The following CSMD1 variants were observed in gnomAD, a reference collection of about 807,000 sequenced individuals.
CSMD1 encodes CUB and Sushi multiple domains 1.
In CSMD1, 213 loss-of-function variants were observed where a neutral mutation model predicts 417.5. The observed-to-expected ratio is 0.51, with a 90% confidence interval of 0.46 to 0.57. The LOEUF (loss-of-function observed/expected upper bound fraction) is 0.57. Ranked by LOEUF, CSMD1 falls within the 20% of genes least tolerant of loss-of-function variation. The pLI, the probability that CSMD1 is intolerant of heterozygous loss-of-function variation, is 0.00. For synonymous variants in CSMD1, 2,862 were observed against 1,736.8 expected (o/e 1.65, Z -16.11); for missense variants, 6,923 against 4,529.7 (o/e 1.53, Z -15.17).
chr8:3,475,273 A>C (rs776063050), intron 11 of CSMD1, among the ~76,000 whole-genome samples: 2 of 152,044 alleles, frequency 1.3e-5, no homozygotes, highest in Non-Finnish European at 2.9e-5. Flanking sequence ...CCTTCTTTCA[A>C]ATTCTGAGCT....
intron 3 of CSMD1, among the ~76,000 whole-genome samples, chr8:4,414,870 G>A (rs1337959898): frequency 2.0e-5 from 3 of 152,270 alleles, no homozygotes; most frequent in South Asian, 2.1e-4. Flanking sequence ...GTAGGCATAT[G>A]AGGTGCCATC....
intron 5 of CSMD1, among the ~76,000 whole-genome samples, chr8:3,782,882 G>C (rs952197210): frequency 6.6e-6 from 1 of 152,136 alleles, no homozygotes; most frequent in Non-Finnish European, 1.5e-5. Flanking sequence ...TATACCGTGA[G>C]CCATTACCAA....
intron 1 of CSMD1, among the ~76,000 whole-genome samples, chr8:4,649,506 G>C (rs1425056394): frequency 6.6e-6 from 1 of 152,196 alleles, no homozygotes; most frequent in Non-Finnish European, 1.5e-5. Flanking sequence ...ACCCACGTGA[G>C]TAGGACTTCT....
At chr8:4,339,858 T>C (rs575642838) in intron 3 of CSMD1, among the ~76,000 whole-genome samples, 2 of 152,114 alleles carry the variant, frequency 1.3e-5, no homozygotes, top group South Asian at 4.2e-4. Context: ...ACCTCATCTC[T>C]ACAAAAACTT....
In CSMD1 at chr8:3,096,886, T is replaced by A; in HGVS notation, c.7101A>T (p.Gln2367His). The change falls in exon 47 of 70, where the codon CAA becomes CAT. Residue 2367 changes from glutamine (Q) to histidine (H), a missense_variant. Gln to His is a conservative substitution (Grantham distance 24). Coordinates refer to ENST00000635120, the MANE Select transcript of CSMD1 (RefSeq NM_033225.6). ...YNITIFVDTF[Q>H]SEKQFDALEV... ...CCAGTGCATCAAACTGCTTTTCACTTTGAAATGTGTCCACAAAGATGGTAA... is the reference window on the plus strand; with the variant it reads ...CCAGTGCATCAAACTGCTTTTCACTATGAAATGTGTCCACAAAGATGGTAA... 1 of 1,557,292 alleles carries A rather than the reference T, an allele frequency of 6.4e-7. No homozygotes were observed. The highest frequency in any genetic ancestry group is 8.7e-7 in the Non-Finnish European group (1 of 1,149,330).
At chr8:3,910,189 A>T (rs569992029) in intron 5 of CSMD1, among the ~76,000 whole-genome samples, 2 of 152,156 alleles carry the variant, frequency 1.3e-5, no homozygotes, top group Admixed American at 6.5e-5. Context: ...AAGGAATTTT[A>T]TAATGCACGG....
chr8:4,737,157 A>G (rs1193717042), intron 1 of CSMD1, among the ~76,000 whole-genome samples: 1 of 127,922 alleles, frequency 7.8e-6, no homozygotes, highest in Non-Finnish European at 1.5e-5. Context: ...TGCAGCCACA[A>G]AAAAAGAATG....
At chr8:3,629,401 G>A (rs1465336557) in intron 7 of CSMD1, among the ~76,000 whole-genome samples, 2 of 152,034 alleles carry the variant, frequency 1.3e-5, no homozygotes. Flanking sequence ...GTTATTGTTG[G>A]AAATTTTATA....
At chr8:3,940,428 G>C (rs1207881776) in intron 5 of CSMD1, among the ~76,000 whole-genome samples, 1 of 151,400 alleles carries the variant, frequency 6.6e-6, no homozygotes. Context: ...TATGTATGTT[G>C]TAAAGAAGTA....
intron 3 of CSMD1, among the ~76,000 whole-genome samples, chr8:4,328,947 G>C (rs531254150): frequency 2.0e-5 from 3 of 152,298 alleles, no homozygotes; most frequent in South Asian, 2.1e-4. Flanking sequence ...CAATGCATTT[G>C]CAAGTTTAGC....
At chr8:3,754,558 G>C (rs930141367) in intron 5 of CSMD1, among the ~76,000 whole-genome samples, 2 of 152,040 alleles carry the variant, frequency 1.3e-5, no homozygotes, top group African/African-American at 2.4e-5. Flanking sequence ...GGGTTCAAGC[G>C]ATTCTCCTCC....
In CSMD1 at chr8:4,475,601, T is replaced by TTTTTCC. The variant is rs1554491568; in HGVS notation, c.303-55537_303-55536insGGAAAA. Reference sequence around the variant, plus strand: ...GGCACAACGTTCTTTTCTTAGGGTTTTTTTTCTTTTTCTTTTTCTTTTTTC... The same window carrying TTTTTCC: ...GGCACAACGTTCTTTTCTTAGGGTTTTTTTCCTTTTTCTTTTTCTTTTTCTTTTTTC... On this transcript the variant is annotated intron_variant, in intron 2 of 69. Transcript: ENST00000635120. Among the ~76,000 whole-genome samples, 1,121 of 152,128 alleles carry TTTTTCC rather than the reference T, an allele frequency of 7.4e-3. 12 individuals carry two copies. The highest frequency in any genetic ancestry group is 0.025 in the African/African-American group (1,037 of 41,504).
At chr8:4,225,346 T>G (rs554145812) in intron 3 of CSMD1, among the ~76,000 whole-genome samples, 1 of 152,302 alleles carries the variant, frequency 6.6e-6, no homozygotes, top group African/African-American at 2.4e-5. Flanking sequence ...AATTTCCACC[T>G]AAAATATGTA....
At position 4,761,003 on chromosome 8, in the gene CSMD1, G is replaced by A. The variant is rs140931298; in HGVS notation, c.86-123445C>T. Among the ~76,000 whole-genome samples, 660 of 152,106 alleles carry A rather than the reference G, an allele frequency of 4.3e-3. 4 individuals carry two copies. Among genetic ancestry groups the A allele is most frequent in the Non-Finnish European group, 6.9e-3 (466 of 67,992 alleles). The stretch of plus-strand genomic sequence containing the variant: ...TCCACACTCACCTCCCTTTATCATT[G>A]TGAGTAGCAGTTTGGTGTCAGAATA... On this transcript the variant is annotated intron_variant, in intron 1 of 69. Transcript: ENST00000635120.
At chr8:4,655,567 T>A (rs970349062) in intron 1 of CSMD1, among the ~76,000 whole-genome samples, 1 of 152,118 alleles carries the variant, frequency 6.6e-6, no homozygotes, top group African/African-American at 2.4e-5. Flanking sequence ...AAATAAACAG[T>A]TGAATTACTT....
intron 5 of CSMD1, among the ~76,000 whole-genome samples, chr8:3,831,865 T>C (rs142480102): frequency 6.6e-6 from 1 of 152,210 alleles, no homozygotes; most frequent in African/African-American, 2.4e-5. Flanking sequence ...ACATAGCATC[T>C]TTGTGATTCA....
intron 1 of CSMD1, among the ~76,000 whole-genome samples, chr8:4,672,959 A>G (rs1317411770): frequency 6.6e-6 from 1 of 152,090 alleles, no homozygotes; most frequent in Non-Finnish European, 1.5e-5. Flanking sequence ...CGGCACACAT[A>G]CATAACACAC....
At chr8:4,458,456 G>A (rs1169220523) in intron 2 of CSMD1, among the ~76,000 whole-genome samples, 1 of 152,156 alleles carries the variant, frequency 6.6e-6, no homozygotes, top group Non-Finnish European at 1.5e-5. Context: ...TGAAGTTAAA[G>A]TTATGTGTAA....
intron 3 of CSMD1, among the ~76,000 whole-genome samples, chr8:4,388,058 A>G (rs1438213): frequency 0.69 from 105,097 of 151,980 alleles, 36,999 homozygotes; most frequent in Non-Finnish European, 0.76. Context: ...ATGAATGTCC[A>G]CCTCATTTGG....
Sources: allele counts gnomAD v4.1 joint callset (sites outside exome capture counted in the v4.1 genomes callset), GRCh38; gene constraint gnomAD v4.1.1; transcripts MANE v1.5; gene names NCBI Gene and HGNC (gene_info 2026-07-23, HGNC 2026-07-21).